The following NALCN variants were observed in gnomAD, a reference collection of about 807,000 sequenced individuals.
NALCN encodes the protein sodium leak channel NALCN.
In NALCN, 111 loss-of-function variants were observed where a neutral mutation model predicts 225.3. The ratio of observed to expected loss-of-function variants is 0.49; its 90% CI spans 0.42 to 0.58. The LOEUF is 0.58. NALCN is among the 20% of genes least tolerant of loss of function. The pLI is 0.00. For missense variants in NALCN, 1,378 were observed against 2,202.4 expected, an observed-to-expected ratio of 0.63 and a Z score of 7.49; for synonymous variants, 764 against 769.0, an observed-to-expected ratio of 0.99 and a Z score of 0.11.
intron 7 of NALCN, among the ~76,000 whole-genome samples, chr13:101,304,309 G>A (rs539507669): frequency 6.6e-6 from 1 of 152,150 alleles, no homozygotes; most frequent in Admixed American, 6.5e-5. Context: ...TGTGCAGAAT[G>A]TGCAGGTTTG....
At chr13:101,390,758 C>T (rs1362370788) in intron 3 of NALCN, among the ~76,000 whole-genome samples, 10 of 152,012 alleles carry the variant, frequency 6.6e-5, no homozygotes. Flanking sequence ...AAGGAAGCAG[C>T]AGATTTAAGA....
intron 11 of NALCN, among the ~76,000 whole-genome samples, chr13:101,241,761 C>T (rs1306442688): frequency 6.6e-6 from 1 of 152,118 alleles, no homozygotes; most frequent in Non-Finnish European, 1.5e-5. Context: ...CATTTTTGAT[C>T]TGCCAGGGGT....
chr13:101,286,173 C>A (rs2043330299), intron 9 of NALCN, among the ~76,000 whole-genome samples: 2 of 152,142 alleles, frequency 1.3e-5, no homozygotes, highest in South Asian at 4.1e-4. Context: ...GGCTAGCTAG[C>A]AGAAGCCAAG....
At chr13:101,059,257 G>A (rs907850415) in intron 42 of NALCN, 3 of 152,342 alleles carry the variant, frequency 2.0e-5, no homozygotes, top group East Asian at 1.9e-4. Flanking sequence ...ATGAAAATAT[G>A]CTGTGACTTA....
At chr13:101,109,596 C>G (rs2035322257) in intron 20 of NALCN, among the ~76,000 whole-genome samples, 1 of 152,228 alleles carries the variant, frequency 6.6e-6, no homozygotes, top group Non-Finnish European at 1.5e-5. Context: ...ATCCTTGGCT[C>G]TGAACATTCA....
At chr13:101,150,354 C>T (rs988425389) in intron 15 of NALCN, among the ~76,000 whole-genome samples, 1 of 152,130 alleles carries the variant, frequency 6.6e-6, no homozygotes, top group African/African-American at 2.4e-5. Flanking sequence ...GTATACTATA[C>T]CTCTTTCTAT....
At chr13:101,283,912 A>T in intron 10 of NALCN, 21 bp downstream of exon 10, 10 of 1,576,888 alleles carry the variant, frequency 6.3e-6, no homozygotes, top group East Asian at 2.3e-5. Flanking sequence ...GGCGATTTTT[A>T]AAAATGTCAT....
chr13:101,388,072 G>A (rs528730902), intron 3 of NALCN, among the ~76,000 whole-genome samples: 22 of 152,054 alleles, frequency 1.4e-4, no homozygotes, highest in African/African-American at 5.3e-4. Flanking sequence ...TAAAACTGTG[G>A]CTTAGATTTA....
At chr13:101,279,439 A>C (rs1462098161) in intron 10 of NALCN, among the ~76,000 whole-genome samples, 5 of 152,270 alleles carry the variant, frequency 3.3e-5, no homozygotes, top group Non-Finnish European at 2.9e-5. Flanking sequence ...GATACATTGA[A>C]AGAAGATTTC....
intron 28 of NALCN, among the ~76,000 whole-genome samples, chr13:101,094,246 A>T (rs1157072235): frequency 6.6e-6 from 1 of 152,166 alleles, no homozygotes; most frequent in Non-Finnish European, 1.5e-5. Context: ...AACACCAGAT[A>T]ACCCTGCTCT....
Position 101,135,781 on chromosome 13 carries a change from T to A in NALCN, c.2118+7299A>T, listed in dbSNP as rs373954900. Among the ~76,000 whole-genome samples, 48 of 152,318 alleles carry A rather than the reference T, an allele frequency of 3.2e-4. No individual in the cohort carries two copies. The East Asian group carries it at 4.8e-3, about 15-fold the overall frequency. ...ACACTGAGACTAGCATGACACTTGA[T>A]AGAAGAGACAATTTATAAGTAAAAC... On this transcript the variant is annotated intron_variant, in intron 17 of 43. Coordinates refer to ENST00000251127, the MANE Select transcript of NALCN (RefSeq NM_052867.4).
At chr13:101,182,179 T>C (rs528457117) in intron 14 of NALCN, among the ~76,000 whole-genome samples, 3 of 147,822 alleles carry the variant, frequency 2.0e-5, no homozygotes, top group African/African-American at 5.0e-5. Context: ...TTTTCTTACA[T>C]TGGTTAAACA....
At chr13:101,361,284 G>A (rs1026732587) in intron 6 of NALCN, among the ~76,000 whole-genome samples, 6 of 152,196 alleles carry the variant, frequency 3.9e-5, no homozygotes, top group Admixed American at 2.6e-4. Flanking sequence ...CTGTGGAGGC[G>A]GCTACAGTAA....
At chr13:101,320,568 A>G (rs1264636548) in intron 7 of NALCN, among the ~76,000 whole-genome samples, 1 of 152,102 alleles carries the variant, frequency 6.6e-6, no homozygotes, top group South Asian at 2.1e-4. Context: ...AGAATATTAG[A>G]GTGGGGGAGG....
At chr13:101,231,052 G>A (rs1370283233) in intron 12 of NALCN, among the ~76,000 whole-genome samples, 3 of 152,022 alleles carry the variant, frequency 2.0e-5, no homozygotes, top group Non-Finnish European at 4.4e-5. Context: ...AGGAGCAATA[G>A]GCCATACCAT....
At chr13:101,252,536 C>G (rs1463646007) in intron 11 of NALCN, among the ~76,000 whole-genome samples, 1 of 152,064 alleles carries the variant, frequency 6.6e-6, no homozygotes, top group Non-Finnish European at 1.5e-5. Context: ...AAGAGCCTGC[C>G]TGGCTGATGA....
intron 1 of NALCN, among the ~76,000 whole-genome samples, chr13:101,406,736 T>G (rs372040651): frequency 6.6e-6 from 1 of 152,228 alleles, no homozygotes; most frequent in East Asian, 1.9e-4. Context: ...GAAGGTATTA[T>G]CCATTTATTA....
chr13:101,358,480 C>T (rs1594737177), intron 6 of NALCN, among the ~76,000 whole-genome samples: 1 of 152,078 alleles, frequency 6.6e-6, no homozygotes, highest in East Asian at 1.9e-4. Context: ...AAATGCAAAC[C>T]AAAACCACAA....
intron 16 of NALCN, 100 bp downstream of exon 16, chr13:101,144,660 C>T (rs754545009): frequency 1.1e-5 from 13 of 1,219,228 alleles, no homozygotes; most frequent in Non-Finnish European, 1.3e-5. Flanking sequence ...TAGAAAGAAA[C>T]CCAACCCACA....
Sources: allele counts gnomAD v4.1 joint callset (sites outside exome capture counted in the v4.1 genomes callset), GRCh38; gene constraint gnomAD v4.1.1; transcripts MANE v1.5; gene names NCBI Gene and HGNC (gene_info 2026-07-23, HGNC 2026-07-21).